Variants in RRP15 observed in about 807,000 individuals in gnomAD.
RRP15 encodes the protein ribosomal RNA processing 15 homolog, also known as RRP15-like protein.
A neutral mutation model predicts 27.1 loss-of-function variants in RRP15; 18 were observed. That is an observed-to-expected ratio of 0.66 (90% CI 0.46 to 0.98). The LOEUF (loss-of-function observed/expected upper bound fraction) is 0.98. Among genes scored for constraint, RRP15 ranks in the 50% least tolerant of loss-of-function variants. The pLI is 0.00. For missense variants in RRP15, 359 were observed against 337.8 expected, an observed-to-expected ratio of 1.06 and a Z score of -0.49; for synonymous variants, 107 against 109.4, an observed-to-expected ratio of 0.98 and a Z score of 0.14.
At position 218,335,355 on chromosome 1, in the gene RRP15, C is replaced by T. The variant is rs1656432630; in HGVS notation, c.*4264C>T. The T allele has an allele frequency of 6.6e-6, 1 of 152,174 alleles. No homozygotes were observed. Among genetic ancestry groups the T allele is most frequent in the African/African-American group, 2.4e-5 (1 of 41,442 alleles). 9.4% of individuals were successfully genotyped at this position (152,174 alleles called of 1,614,324 possible). A position where few individuals can be genotyped will look rare whatever the true frequency, so the allele number is the denominator to read the frequency against. ...TCCTTCAGTGGGAGGAGCACATATT[C>T]AGCTTTCTGTTAAACACTCTTTGGT... is the stretch of plus-strand genomic sequence containing the variant. On this transcript the variant is annotated 3_prime_UTR_variant, in exon 5 of 5. Transcript: ENST00000366932.
At chr1:218,327,824 A>G (rs1656297521) in intron 4 of RRP15, among the ~76,000 whole-genome samples, 1 of 152,232 alleles carries the variant, frequency 6.6e-6, no homozygotes, top group South Asian at 2.1e-4. Context: ...ACAAAATCGA[A>G]TATTAGATTT....
intron 4 of RRP15, among the ~76,000 whole-genome samples, chr1:218,329,197 T>G (rs1656325505): frequency 8.5e-6 from 1 of 118,290 alleles, no homozygotes; most frequent in South Asian, 2.8e-4. Flanking sequence ...GCCCAGGAGC[T>G]CGAAACCAGC....
At chr1:218,322,016 G>T (rs1254027912) in intron 4 of RRP15, among the ~76,000 whole-genome samples, 1 of 152,110 alleles carries the variant, frequency 6.6e-6, no homozygotes, top group African/African-American at 2.4e-5. Context: ...ATTACCTTAA[G>T]CATATTCAGC....
chr1:218,307,543 TC>T lies in RRP15; in HGVS notation c.618del (p.Lys207ArgfsTer8). On this transcript the variant is annotated frameshift_variant, in exon 4 of 5. Transcript: ENST00000366932. LOFTEE classifies it high-confidence loss of function. ...RKRAKLISTV[S>X]KKDFISVLRG... ...GCGTGCTAAGTTGATATCAACTGTT[TC>T]CAAGAAAGATTTCATCAGTGTTTTG... 6.2e-7 allele frequency: 1 copy of T among 1,613,884 alleles called. No homozygotes were observed. Among genetic ancestry groups the T allele is most frequent in the Non-Finnish European group, 8.5e-7 (1 of 1,179,832 alleles).
intron 4 of RRP15, among the ~76,000 whole-genome samples, chr1:218,311,059 TTTTTCTTAGAGTC>T (rs1655987618): frequency 6.6e-6 from 1 of 152,116 alleles, no homozygotes; most frequent in Non-Finnish European, 1.5e-5. Flanking sequence ...GAACAAGTCA[TTTTTCTTAGAGTC>T]TTTTCTGCAT....
At chr1:218,320,683 TG>T (rs746745887) in intron 4 of RRP15, among the ~76,000 whole-genome samples, 7 of 152,114 alleles carry the variant, frequency 4.6e-5, no homozygotes, top group Non-Finnish European at 8.8e-5. Context: ...AAAATCAAGT[TG>T]TTTTCCACCC....
At chr1:218,323,056 C>T (rs962488481) in intron 4 of RRP15, among the ~76,000 whole-genome samples, 1 of 152,134 alleles carries the variant, frequency 6.6e-6, no homozygotes, top group Non-Finnish European at 1.5e-5. Context: ...CAGGGAACGT[C>T]GTGGCGTTCT....
chr1:218,336,425 A>G lies in RRP15; in HGVS notation c.*5334A>G, dbSNP rs532573946. 1.1e-4 allele frequency: 17 copies of G among 152,728 alleles called. No homozygotes were observed. The highest frequency in any genetic ancestry group is 4.1e-4 in the African/African-American group (17 of 41,564). 9.5% of individuals were successfully genotyped at this position (152,728 alleles called of 1,614,324 possible). On this transcript the variant is annotated 3_prime_UTR_variant, in exon 5 of 5. Coordinates refer to ENST00000366932, the MANE Select transcript of RRP15 (RefSeq NM_016052.4). ...CATAAACATCAAAGTGAAAACACCAAATTTGTAAGAGGTCAGGACCAACTG... is the reference window on the plus strand; with the variant it reads ...CATAAACATCAAAGTGAAAACACCAGATTTGTAAGAGGTCAGGACCAACTG...
chr1:218,293,431 A>G (rs1237059067), intron 1 of RRP15, among the ~76,000 whole-genome samples: 2 of 152,222 alleles, frequency 1.3e-5, no homozygotes, highest in Non-Finnish European at 2.9e-5. Flanking sequence ...TAGTACTGAG[A>G]AACTATAAAG....
At chr1:218,311,320 C>T (rs926946859) in intron 4 of RRP15, among the ~76,000 whole-genome samples, 1 of 152,022 alleles carries the variant, frequency 6.6e-6, no homozygotes, top group Admixed American at 6.5e-5. Flanking sequence ...TCTGTCCTTC[C>T]AACATAGTAT....
chr1:218,294,709 A>T (rs1219407198), intron 1 of RRP15, among the ~76,000 whole-genome samples: 1 of 151,982 alleles, frequency 6.6e-6, no homozygotes, highest in African/African-American at 2.4e-5. Flanking sequence ...TAAATCATCG[A>T]GGTGACTCAT....
chr1:218,297,850 C>G (rs180804089), intron 1 of RRP15, among the ~76,000 whole-genome samples: 98 of 152,260 alleles, frequency 6.4e-4, no homozygotes, highest in Middle Eastern at 3.4e-3. Context: ...GGAGTATGAA[C>G]TTTTAAACTA....
rs1336301844 is a variant in RRP15 at position 218,337,739 on chromosome 1, T to C, written c.*6648T>C. ...TTTAATGAGACACTAAAACAGTTTT[T>C]ATTTTTTGCTTACTTATTCTGTTCT... On this transcript the variant is annotated 3_prime_UTR_variant, in exon 5 of 5. Coordinates refer to ENST00000366932, the MANE Select transcript of RRP15 (RefSeq NM_016052.4). 6.6e-6 allele frequency: 1 copy of C among 152,200 alleles called. No individual in the cohort carries two copies. Among genetic ancestry groups the C allele is most frequent in the East Asian group, 1.9e-4 (1 of 5,194 alleles). 9.4% of individuals were successfully genotyped at this position (152,200 alleles called of 1,614,324 possible). A position where few individuals can be genotyped will look rare whatever the true frequency, so the allele number is the denominator to read the frequency against.
Position 218,333,189 on chromosome 1 carries a change from A to T in RRP15, c.*2098A>T, listed in dbSNP as rs181601301. The T allele has an allele frequency of 2.2e-4, 34 of 152,314 alleles. No homozygotes were observed. The highest frequency in any genetic ancestry group is 2.2e-3 in the Admixed American group (33 of 15,300). The allele number at this position is 152,314 out of a possible 1,614,324, so 9.4% of individuals were successfully genotyped here. A position where few individuals can be genotyped will look rare whatever the true frequency, so the allele number is the denominator to read the frequency against. ...AATTGAGTTGCCACTATCAGGAAAA[A>T]AAAAATGTATCACTTCTGTTAGAAG... On this transcript the variant is annotated 3_prime_UTR_variant, in exon 5 of 5. Coordinates refer to ENST00000366932, the MANE Select transcript of RRP15 (RefSeq NM_016052.4).
At chr1:218,330,725 G>A (rs867207561) in intron 4 of RRP15, among the ~76,000 whole-genome samples, 5 of 151,914 alleles carry the variant, frequency 3.3e-5, no homozygotes, top group African/African-American at 2.4e-5. Flanking sequence ...CTTTTATGGA[G>A]TCCATACAAT....
At chr1:218,297,191 A>T (rs892043047) in intron 1 of RRP15, among the ~76,000 whole-genome samples, 1 of 152,198 alleles carries the variant, frequency 6.6e-6, no homozygotes, top group African/African-American at 2.4e-5. Context: ...GAATAAGAAC[A>T]TAACACCCCA....
intron 4 of RRP15, among the ~76,000 whole-genome samples, chr1:218,315,609 T>A (rs866685756): frequency 0.023 from 3,385 of 150,156 alleles, 141 homozygotes; most frequent in African/African-American, 0.077. Flanking sequence ...TTTTATTATT[T>A]TATTTTTTTT....
At chr1:218,322,335 C>T (rs1486613565) in intron 4 of RRP15, among the ~76,000 whole-genome samples, 2 of 152,152 alleles carry the variant, frequency 1.3e-5, no homozygotes, top group Non-Finnish European at 2.9e-5. Flanking sequence ...AAGTGCTTGG[C>T]ACACAATGAG....
At chr1:218,311,429 G>A (rs536939872) in intron 4 of RRP15, among the ~76,000 whole-genome samples, 2 of 152,170 alleles carry the variant, frequency 1.3e-5, no homozygotes, top group East Asian at 3.9e-4. Context: ...ACTTTCTTCA[G>A]CTTTGTTACA....
Sources: allele counts gnomAD v4.1 joint callset (sites outside exome capture counted in the v4.1 genomes callset), GRCh38; gene constraint gnomAD v4.1.1; transcripts MANE v1.5; gene names NCBI Gene and HGNC (gene_info 2026-07-23, HGNC 2026-07-21).